Variants in C2orf80 observed in about 807,000 individuals in gnomAD.
C2orf80 encodes uncharacterized protein C2orf80.
Under a neutral mutation model 30.2 loss-of-function variants are expected in C2orf80, and 28 were observed. The observed-to-expected ratio is 0.93, with a 90% CI of 0.69 to 1.27. C2orf80 has a LOEUF of 1.27. Ranked by LOEUF, C2orf80 falls within the 50% of genes most tolerant of loss-of-function variation. The pLI, the probability that C2orf80 is intolerant of heterozygous loss-of-function variation, is 0.00. For synonymous variants in C2orf80, 80 were observed against 76.4 expected (o/e 1.05, Z -0.24); for missense variants, 220 against 231.0 (o/e 0.95, Z 0.31).
chr2:208,166,561 C>T (rs569925381), intron 8 of C2orf80, among the ~76,000 whole-genome samples: 1 of 152,206 alleles, frequency 6.6e-6, no homozygotes, highest in East Asian at 1.9e-4. Context: ...TTAAATTGTC[C>T]TCTCTCTATG....
At chr2:208,183,298 A>T (rs1696620000) in intron 3 of C2orf80, among the ~76,000 whole-genome samples, 1 of 139,280 alleles carries the variant, frequency 7.2e-6, no homozygotes, top group Admixed American at 7.6e-5. Context: ...CCACTAGAGC[A>T]GTTATCTGAT....
intron 2 of C2orf80, among the ~76,000 whole-genome samples, chr2:208,186,669 C>T (rs1696727613): frequency 6.6e-6 from 1 of 152,182 alleles, no homozygotes; most frequent in Admixed American, 6.5e-5. Context: ...CTGACTGGGA[C>T]ATAGGCTCAG....
intron 6 of C2orf80, among the ~76,000 whole-genome samples, chr2:208,177,921 G>C (rs1696417780): frequency 6.6e-6 from 1 of 151,518 alleles, no homozygotes. Flanking sequence ...TGCCTCCCAG[G>C]ATATCCTGCC....
At chr2:208,172,125 TGAACACCTGCTA>T (rs751872524) in intron 6 of C2orf80, 50 bp from the exon 7 acceptor site, 1 of 1,374,956 alleles carries the variant, frequency 7.3e-7, no homozygotes, top group South Asian at 1.2e-5. Flanking sequence ...ATCTGCGGCA[TGAACACCTGCTA>T]GTCACAGCAT....
chr2:208,176,978 CAG>C (rs1356152021), intron 6 of C2orf80, among the ~76,000 whole-genome samples: 41 of 8,132 alleles, frequency 5.0e-3, no homozygotes, highest in Admixed American at 9.3e-3. Context: ...TACATATATA[CAG>C]AAATGTATAT....
At chr2:208,183,790 A>T (rs1696635137) in intron 3 of C2orf80, among the ~76,000 whole-genome samples, 1 of 152,142 alleles carries the variant, frequency 6.6e-6, no homozygotes, top group Admixed American at 6.5e-5. Flanking sequence ...TTTCACACGC[A>T]CGTATAGTAA....
At chr2:208,180,389 G>A (rs1696515494) in intron 6 of C2orf80, among the ~76,000 whole-genome samples, 1 of 151,690 alleles carries the variant, frequency 6.6e-6, no homozygotes, top group African/African-American at 2.4e-5. Flanking sequence ...AGGCAGAAGT[G>A]CAGTGAGCCG....
chr2:208,183,779 G>C (rs1696634615), intron 3 of C2orf80, among the ~76,000 whole-genome samples: 1 of 152,116 alleles, frequency 6.6e-6, no homozygotes, highest in African/African-American at 2.4e-5. Flanking sequence ...CTTGCTGAGA[G>C]TTTCACACGC....
chr2:208,183,818 C>T (rs1696635982), intron 3 of C2orf80, among the ~76,000 whole-genome samples: 1 of 152,210 alleles, frequency 6.6e-6, no homozygotes, highest in African/African-American at 2.4e-5. Flanking sequence ...AGAACCAATG[C>T]GGAGGCTTAT....
chr2:208,165,721 C>A lies in C2orf80; in HGVS notation c.*86G>T. On this transcript the variant is annotated 3_prime_UTR_variant, in exon 9 of 9. Transcript: ENST00000341287. ...AAAAACAGTTGTAAAGAAAAATGTACTGGCAAGAGCTGTGGTTTTAAGATG... is the reference window on the plus strand; with the variant it reads ...AAAAACAGTTGTAAAGAAAAATGTAATGGCAAGAGCTGTGGTTTTAAGATG... The A allele has an allele frequency of 1.3e-6, 2 of 1,583,444 alleles. No homozygotes were observed. The highest frequency in any genetic ancestry group is 1.7e-6 in the Non-Finnish European group (2 of 1,165,738).
rs1353694854 is a variant in C2orf80, at chr2:208,165,654, G to A, written c.*153C>T. 2 of 953,724 alleles carry A rather than the reference G, an allele frequency of 2.1e-6. No homozygotes were observed. Among genetic ancestry groups the A allele is most frequent in the Non-Finnish European group, 3.0e-6 (2 of 657,676 alleles). The allele number at this position is 953,724 out of a possible 1,614,324, so 59.1% of individuals were successfully genotyped here. A position where few individuals can be genotyped will look rare whatever the true frequency, so the allele number is the denominator to read the frequency against. On this transcript the variant is annotated 3_prime_UTR_variant, in exon 9 of 9. Coordinates refer to ENST00000341287, the MANE Select transcript of C2orf80 (RefSeq NM_001099334.3). Reference sequence around the variant, plus strand: ...GCCATGCAATATGCTTCTAAAAGAAGAAAGCTCAACATCAAAAATAACACT... The same window carrying A: ...GCCATGCAATATGCTTCTAAAAGAAAAAAGCTCAACATCAAAAATAACACT...
rs13414661 is a variant in C2orf80 at position 208,175,532 on chromosome 2, G to C, written c.367-3457C>G. On this transcript the variant is annotated intron_variant, in intron 6 of 8. Transcript: ENST00000341287. ...CATCAGGTGGCAGCACATAATCCCG[G>C]AGAAAGCCATCCAGCCTAGCACAGT... Among the ~76,000 whole-genome samples, 152 of 152,210 alleles carry C rather than the reference G, an allele frequency of 1.0e-3. 1 individual carries two copies. Among genetic ancestry groups the C allele is most frequent in the African/African-American group, 3.7e-3 (152 of 41,528 alleles).
At chr2:208,172,466 C>T (rs1045567967) in intron 6 of C2orf80, among the ~76,000 whole-genome samples, 3 of 152,144 alleles carry the variant, frequency 2.0e-5, no homozygotes, top group African/African-American at 7.2e-5. Flanking sequence ...CCCTTGCTGG[C>T]ACAGTTCCCC....
At chr2:208,173,507 A>C (rs965128624) in intron 6 of C2orf80, among the ~76,000 whole-genome samples, 2 of 151,558 alleles carry the variant, frequency 1.3e-5, no homozygotes, top group African/African-American at 4.8e-5. Context: ...CACCTGTTGT[A>C]CCAGCTACTT....
At chr2:208,180,921 G>C (rs1197248859) in intron 5 of C2orf80, 105 bp from the exon 6 acceptor site, 3 of 922,952 alleles carry the variant, frequency 3.3e-6, no homozygotes, top group Non-Finnish European at 5.0e-6. Flanking sequence ...CTGTGCTTGG[G>C]TATCATAAGT....
At chr2:208,184,892 C>T in intron 3 of C2orf80, 59 bp downstream of exon 3, 4 of 1,369,054 alleles carry the variant, frequency 2.9e-6, no homozygotes, top group Admixed American at 1.7e-5. Context: ...GATCCTTTTT[C>T]TGTCTCTTTA....
chr2:208,172,165 C>T lies in C2orf80; in HGVS notation c.367-90G>A, dbSNP rs1236936388. ...CACAGCATTTGGCCTATTTAATCAA[C>T]TCAGAATCCTTGAGTCCAATTGTTG... On this transcript the variant is annotated intron_variant, in intron 6 of 8. Transcript: ENST00000341287. 9.9e-6 allele frequency: 10 copies of T among 1,006,402 alleles called. No individual in the cohort carries two copies. The East Asian group carries it at 2.1e-4, about 22-fold the overall frequency. 62.3% of individuals were successfully genotyped at this position (1,006,402 alleles called of 1,614,324 possible).
intron 3 of C2orf80, among the ~76,000 whole-genome samples, chr2:208,184,033 T>G (rs1696641496): frequency 6.6e-6 from 1 of 152,244 alleles, no homozygotes; most frequent in Non-Finnish European, 1.5e-5. Flanking sequence ...TTCCAGGGAC[T>G]GAACCAAACT....
chr2:208,189,283 C>T (rs1032434543), intron 1 of C2orf80, among the ~76,000 whole-genome samples: 5 of 152,124 alleles, frequency 3.3e-5, no homozygotes, highest in Admixed American at 2.0e-4. Flanking sequence ...ATTTGCATTG[C>T]TTCGTTGTTA....
Sources: allele counts gnomAD v4.1 joint callset (sites outside exome capture counted in the v4.1 genomes callset), GRCh38; gene constraint gnomAD v4.1.1; transcripts MANE v1.5; gene names NCBI Gene and HGNC (gene_info 2026-07-23, HGNC 2026-07-21).